CDC42BPA: variants seen among roughly 807,000 people sequenced by gnomAD.
CDC42BPA encodes the protein CDC42 binding protein kinase alpha.
CDC42BPA carries 80 observed loss-of-function variants against 223.5 expected under a neutral mutation model. That is an observed-to-expected ratio of 0.36 (90% CI 0.30 to 0.43). CDC42BPA has a LOEUF of 0.43. Among genes scored for constraint, CDC42BPA ranks in the 20% least tolerant of loss-of-function variants. The pLI is 1.00. For missense variants in CDC42BPA, 1,743 were observed against 2,099.9 expected (o/e 0.83, Z 3.32); for synonymous variants, 694 against 718.6 (o/e 0.97, Z 0.55).
At chr1:227,241,399 A>T (rs757252280) in intron 2 of CDC42BPA, among the ~76,000 whole-genome samples, 3 of 152,148 alleles carry the variant, frequency 2.0e-5, no homozygotes, top group Non-Finnish European at 4.4e-5. Context: ...GAGAATATTC[A>T]TATCAGCTTT....
chr1:227,006,918 GTGC>G (rs368085640), intron 34 of CDC42BPA, among the ~76,000 whole-genome samples: 111,432 of 151,410 alleles, frequency 0.74, 41,259 homozygotes, highest in African/African-American at 0.78. Flanking sequence ...CGGCCTGGGC[GTGC>G]ACTCACTCTG....
chr1:227,088,811 C>T (rs760452109), intron 16 of CDC42BPA, among the ~76,000 whole-genome samples: 143 of 152,216 alleles, frequency 9.4e-4, no homozygotes, highest in Non-Finnish European at 1.7e-3. Flanking sequence ...CTGCTACCTC[C>T]ACCTCCTGGG....
chr1:227,151,385 G>C (rs190848587), intron 6 of CDC42BPA, among the ~76,000 whole-genome samples: 114 of 152,152 alleles, frequency 7.5e-4, no homozygotes, highest in Non-Finnish European at 1.3e-3. Context: ...AGCACATTTT[G>C]TTTATCCATT....
chr1:227,042,297 G>GAGAGATATATATAT (rs922408596), intron 23 of CDC42BPA, among the ~76,000 whole-genome samples: 1 of 147,608 alleles, frequency 6.8e-6, no homozygotes, highest in Non-Finnish European at 1.5e-5. Context: ...ATACATATAT[G>GAGAGATATATATAT]ATATATATAT....
chr1:227,001,399 C>T (rs1232497602), intron 35 of CDC42BPA, among the ~76,000 whole-genome samples: 1 of 152,204 alleles, frequency 6.6e-6, no homozygotes, highest in African/African-American at 2.4e-5. Context: ...AGGGCCTTGA[C>T]AAGAACGCCA....
chr1:227,112,325 A>G lies in CDC42BPA; in HGVS notation c.1988T>C (p.Leu663Ser). ...GTCAAAAGATACCTTCAGTCCCTCCAATTCATTTTCCAGTTGCTTAGAATA... is the reference window on the plus strand; with the variant it reads ...GTCAAAAGATACCTTCAGTCCCTCCGATTCATTTTCCAGTTGCTTAGAATA... ...EHYSKQLENE[L>S]EGLKQKQISY... The change falls in exon 14 of 37, where the codon TTG (leucine) becomes TCG (serine). Residue 663 changes from leucine (L) to serine (S), a missense_variant. Leu to Ser is a moderately radical substitution (Grantham distance 145, BLOSUM62 -2). Transcript: ENST00000366766. 1 of 1,585,420 alleles carries G rather than the reference A, an allele frequency of 6.3e-7. No individual in the cohort carries two copies. The highest frequency in any genetic ancestry group is 8.6e-7 in the Non-Finnish European group (1 of 1,163,450).
intron 16 of CDC42BPA, among the ~76,000 whole-genome samples, chr1:227,086,557 T>A (rs996569629): frequency 6.6e-6 from 1 of 152,220 alleles, no homozygotes; most frequent in African/African-American, 2.4e-5. Flanking sequence ...TTAAGTGGCA[T>A]TCTCCTAATG....
At chr1:227,240,706 A>T (rs1679868496) in intron 2 of CDC42BPA, among the ~76,000 whole-genome samples, 1 of 151,548 alleles carries the variant, frequency 6.6e-6, no homozygotes, top group East Asian at 1.9e-4. Context: ...AAAAAAAATG[A>T]ATCTCAATGC....
chr1:227,103,054 G>A (rs1685316630), intron 14 of CDC42BPA, among the ~76,000 whole-genome samples: 1 of 151,898 alleles, frequency 6.6e-6, no homozygotes, highest in African/African-American at 2.4e-5. Context: ...GAGATACATC[G>A]AGTAAATTCA....
chr1:227,086,471 T>C (rs1294556547), intron 16 of CDC42BPA, among the ~76,000 whole-genome samples: 1 of 152,148 alleles, frequency 6.6e-6, no homozygotes. Flanking sequence ...CTCCATATCA[T>C]CATCAATAGT....
intron 31 of CDC42BPA, among the ~76,000 whole-genome samples, chr1:227,023,880 T>C (rs1368627622): frequency 6.6e-6 from 1 of 152,156 alleles, no homozygotes; most frequent in East Asian, 1.9e-4. Context: ...TTAAAAAAGA[T>C]TTTTTAAAAA....
Position 227,033,347 on chromosome 1 carries a change from G to A in CDC42BPA, c.3545C>T (p.Pro1182Leu), listed in dbSNP as rs749838500. ...DVIHASRKDI[P>L]CIFRVTASQL... ...ATACACACTTACCCTAAATATACAG[G>A]GTATATCTTTCCGACTTGCATGGAT... is the stretch of plus-strand genomic sequence containing the variant. The change falls in exon 27 of 37, where the codon CCC (proline) becomes CTC (leucine). Residue 1182 changes from proline to leucine, a missense_variant. Around this residue, in one of 6 missense-constraint regions of CDC42BPA, gnomAD observed 678 missense variants for 777.5 expected, o/e 0.87. Transcript: ENST00000366766. The A allele has an allele frequency of 6.8e-6, 11 of 1,606,104 alleles. No homozygotes were observed. The South Asian group carries it at 1.1e-4, about 16-fold the overall frequency.
rs573599193 is a variant in CDC42BPA, at chr1:227,231,125, T to A, written c.271-17906A>T. 1.0e-3 allele frequency among the ~76,000 whole-genome samples: 140 copies of A among 139,130 alleles called. 1 individual carries two copies. The highest frequency in any genetic ancestry group is 7.5e-3 in the Admixed American group (103 of 13,778). The allele number at this position is 139,130 out of a possible 152,430, so 91.3% of individuals were successfully genotyped here. On this transcript the variant is annotated intron_variant, in intron 2 of 36. Transcript: ENST00000366766. ...ACATTAGGTATATCTCCTAATGCTA[T>A]CCCTCCTCCCTCCCCCCACCCCACG...
In CDC42BPA at chr1:227,069,548, A is replaced by C. The variant is rs1006935496; in HGVS notation, c.2904+229T>G. ...AGATGAAATTGCTTTTAAATCTTAT[A>C]ATGACTCTCATGATTAAATCTTTCT... is the stretch of plus-strand genomic sequence containing the variant. On this transcript the variant is annotated intron_variant, in intron 21 of 36. Coordinates refer to ENST00000366766, the MANE Select transcript of CDC42BPA (RefSeq NM_001394014.1). 8 of 333,416 alleles carry C rather than the reference A, an allele frequency of 2.4e-5. No individual in the cohort carries two copies. In the South Asian group the frequency reaches 4.1e-4, roughly 17 times the overall value. The allele number at this position is 333,416 out of a possible 1,614,324, so 20.7% of individuals were successfully genotyped here.
chr1:227,070,447 A>C (rs1211180219), intron 20 of CDC42BPA, among the ~76,000 whole-genome samples: 3 of 151,878 alleles, frequency 2.0e-5, no homozygotes, highest in Non-Finnish European at 4.4e-5. Flanking sequence ...TAAATGCACA[A>C]TTTCCCAAGT....
intron 5 of CDC42BPA, among the ~76,000 whole-genome samples, chr1:227,162,540 G>A (rs1664106890): frequency 6.6e-6 from 1 of 152,192 alleles, no homozygotes. Flanking sequence ...TGCTTCATCA[G>A]CTGGGTGTGA....
intron 22 of CDC42BPA, 99 bp downstream of exon 22, chr1:227,051,782 A>G (rs1475407986): frequency 1.0e-5 from 6 of 591,206 alleles, no homozygotes; most frequent in Non-Finnish European, 1.5e-5. Context: ...AACTTATTAC[A>G]TATTTGGTTA....
chr1:227,305,050 A>T (rs1371580503), intron 1 of CDC42BPA, among the ~76,000 whole-genome samples: 1 of 152,214 alleles, frequency 6.6e-6, no homozygotes, highest in African/African-American at 2.4e-5. Context: ...ATTCAGCCCT[A>T]AAGATTAGAT....
At chr1:227,066,846 C>T (rs1350757295) in intron 21 of CDC42BPA, among the ~76,000 whole-genome samples, 1 of 152,168 alleles carries the variant, frequency 6.6e-6, no homozygotes, top group East Asian at 1.9e-4. Flanking sequence ...ATTATTATTA[C>T]TATTTGCCTG....
Sources: allele counts gnomAD v4.1 joint callset (sites outside exome capture counted in the v4.1 genomes callset), GRCh38; gene constraint gnomAD v4.1.1; regional missense constraint gnomAD v4.1.1; transcripts MANE v1.5; gene names NCBI Gene and HGNC (gene_info 2026-07-23, HGNC 2026-07-21).